The following KCNH7 variants were observed in gnomAD, a reference collection of about 807,000 sequenced individuals.
KCNH7 encodes the protein potassium voltage-gated channel subfamily H member 7.
A neutral mutation model predicts 120.8 loss-of-function variants in KCNH7; 49 were observed. The ratio of observed to expected loss-of-function variants is 0.41; its 90% CI spans 0.32 to 0.51. KCNH7 has a LOEUF of 0.51. KCNH7 is among the 20% of genes least tolerant of loss of function. The pLI is 0.38. For missense variants in KCNH7, 1,097 were observed against 1,446.6 expected, an observed-to-expected ratio of 0.76 and a Z score of 3.92; for synonymous variants, 547 against 516.1, an observed-to-expected ratio of 1.06 and a Z score of -0.81.
At chr2:162,585,443 G>A (rs1472895931) in intron 2 of KCNH7, among the ~76,000 whole-genome samples, 1 of 151,928 alleles carries the variant, frequency 6.6e-6, no homozygotes, top group Admixed American at 6.6e-5. Context: ...GTAATAAAAT[G>A]GAACATGTGC....
intron 2 of KCNH7, among the ~76,000 whole-genome samples, chr2:162,818,087 C>A (rs1312392159): frequency 6.6e-6 from 1 of 151,776 alleles, no homozygotes; most frequent in South Asian, 2.1e-4. Flanking sequence ...TAATGGAATG[C>A]TTTGCAGTGT....
Position 162,371,645 on chromosome 2 carries a change from T to C in KCNH7, c.*184A>G, listed in dbSNP as rs1685951043. The C allele has an allele frequency of 3.9e-6, 3 of 776,006 alleles. No homozygotes were observed. Among genetic ancestry groups the C allele is most frequent in the Non-Finnish European group, 5.8e-6 (3 of 515,554 alleles). 48.1% of individuals were successfully genotyped at this position (776,006 alleles called of 1,614,324 possible). ...TAACATTTGGAACCAAAAGTTCTTA[T>C]GTATATTTACATCCTAACTGCTCAG... On this transcript the variant is annotated 3_prime_UTR_variant, in exon 16 of 16. Transcript: ENST00000332142.
chr2:162,653,307 TG>T (rs1194158789), intron 2 of KCNH7, among the ~76,000 whole-genome samples: 9 of 152,328 alleles, frequency 5.9e-5, no homozygotes, highest in African/African-American at 2.2e-4. Context: ...GAAATTAAGT[TG>T]TCTTGTTTGC....
intron 9 of KCNH7, among the ~76,000 whole-genome samples, chr2:162,415,689 AT>A (rs200068684): frequency 7.2e-5 from 11 of 152,176 alleles, no homozygotes; most frequent in African/African-American, 2.4e-4. Context: ...TTTAATAACA[AT>A]TTTTTTAAAA....
intron 2 of KCNH7, among the ~76,000 whole-genome samples, chr2:162,784,325 A>T (rs1296550241): frequency 2.6e-5 from 4 of 152,108 alleles, no homozygotes; most frequent in Non-Finnish European, 4.4e-5. Context: ...CAATGGGTTA[A>T]ATAATTTGAC....
At position 162,537,035 on chromosome 2, in the gene KCNH7, T is replaced by C; in HGVS notation, c.353A>G (p.Gln118Arg). Residue 118 changes from glutamine (Q) to arginine (R), a missense_variant, in exon 3 of 16, where the codon CAA becomes CGA. Transcript: ENST00000332142. ...CNTHIIPVKN[Q>R]EGVAMMFIIN... ...GATGAACATCATAGCCACGCCCTCT[T>C]GGTTTTTCACTGGAATTATGTGAGT... 6.2e-7 allele frequency: 1 copy of C among 1,612,774 alleles called. No homozygotes were observed. The highest frequency in any genetic ancestry group is 8.5e-7 in the Non-Finnish European group (1 of 1,179,076).
intron 2 of KCNH7, among the ~76,000 whole-genome samples, chr2:162,814,683 C>T (rs1684856094): frequency 6.6e-6 from 1 of 152,080 alleles, no homozygotes; most frequent in African/African-American, 2.4e-5. Context: ...TAAACAGATC[C>T]AAGGAATAAA....
intron 2 of KCNH7, among the ~76,000 whole-genome samples, chr2:162,622,309 G>C (rs760297607): frequency 1.3e-5 from 2 of 152,140 alleles, no homozygotes; most frequent in Non-Finnish European, 2.9e-5. Flanking sequence ...TCGCTTTTGC[G>C]AGCAGTGAGG....
At chr2:162,717,248 T>C (rs965711017) in intron 2 of KCNH7, among the ~76,000 whole-genome samples, 1 of 152,180 alleles carries the variant, frequency 6.6e-6, no homozygotes, top group South Asian at 2.1e-4. Flanking sequence ...TAAAGTGCCA[T>C]GCATGTTATT....
chr2:162,616,424 C>T (rs944892419), intron 2 of KCNH7, among the ~76,000 whole-genome samples: 2 of 152,150 alleles, frequency 1.3e-5, no homozygotes, highest in African/African-American at 4.8e-5. Flanking sequence ...GTAAACTGAA[C>T]TTTAGAAAAC....
intron 2 of KCNH7, among the ~76,000 whole-genome samples, chr2:162,748,613 A>G (rs988937324): frequency 1.3e-5 from 2 of 152,122 alleles, no homozygotes; most frequent in Non-Finnish European, 2.9e-5. Context: ...TTCCTTCCTT[A>G]TAAGTGTTTT....
At position 162,507,200 on chromosome 2, in the gene KCNH7, T is replaced by C. The variant is rs149676327; in HGVS notation, c.914-2543A>G. On this transcript the variant is annotated intron_variant, in intron 5 of 15. Transcript: ENST00000332142. ...TGGCATTTGAGTAGCCAATAGAATA[T>C]TTCAGAGTTTAGTTTACAATCTGTG... Among the ~76,000 whole-genome samples the C allele has an allele frequency of 7.6e-4, 115 of 151,832 alleles. 1 individual carries two copies. Among genetic ancestry groups the C allele is most frequent in the Middle Eastern group, 3.4e-3 (1 of 292 alleles).
At chr2:162,398,488 T>C (rs1372238378) in intron 10 of KCNH7, among the ~76,000 whole-genome samples, 3 of 151,842 alleles carry the variant, frequency 2.0e-5, no homozygotes, top group East Asian at 1.9e-4. Flanking sequence ...GGCTGACTTA[T>C]ATGGAAGTAG....
intron 9 of KCNH7, among the ~76,000 whole-genome samples, chr2:162,416,368 G>A (rs1290291268): frequency 5.6e-5 from 8 of 143,984 alleles, no homozygotes; most frequent in Admixed American, 3.5e-4. Context: ...GTGAGACTCC[G>A]TCTCTAGAAA....
At chr2:162,416,245 C>T (rs996582260) in intron 9 of KCNH7, among the ~76,000 whole-genome samples, 3 of 151,834 alleles carry the variant, frequency 2.0e-5, no homozygotes, top group African/African-American at 4.8e-5. Flanking sequence ...TCATGGTGGG[C>T]GCCTGTAGTA....
At chr2:162,503,722 G>A (rs750748739) in intron 6 of KCNH7, among the ~76,000 whole-genome samples, 3 of 152,104 alleles carry the variant, frequency 2.0e-5, no homozygotes, top group South Asian at 2.1e-4. Flanking sequence ...CAAATATACC[G>A]AGTAAATTGT....
At chr2:162,505,319 T>TC (rs1690833519) in intron 5 of KCNH7, among the ~76,000 whole-genome samples, 1 of 151,926 alleles carries the variant, frequency 6.6e-6, no homozygotes, top group South Asian at 2.1e-4. Flanking sequence ...TCCTTTTTTT[T>TC]CTTTCACTTA....
intron 2 of KCNH7, among the ~76,000 whole-genome samples, chr2:162,692,354 C>T (rs906099801): frequency 6.6e-6 from 1 of 151,966 alleles, no homozygotes; most frequent in African/African-American, 2.4e-5. Flanking sequence ...CTCCTACCCA[C>T]CACGAGTACA....
intron 7 of KCNH7, among the ~76,000 whole-genome samples, chr2:162,442,749 C>T (rs1290045643): frequency 6.6e-6 from 1 of 151,980 alleles, no homozygotes; most frequent in Non-Finnish European, 1.5e-5. Flanking sequence ...CCCAGCTCCT[C>T]AGGGGGGTGA....
Sources: allele counts gnomAD v4.1 joint callset (sites outside exome capture counted in the v4.1 genomes callset), GRCh38; gene constraint gnomAD v4.1.1; transcripts MANE v1.5; gene names NCBI Gene and HGNC (gene_info 2026-07-23, HGNC 2026-07-21).